Variants in FOCAD observed in about 807,000 individuals in gnomAD.
FOCAD encodes focadhesin, also known as KIAA1797.
FOCAD carries 198 observed loss-of-function variants against 225.6 expected under a neutral mutation model. The ratio of observed to expected loss-of-function variants is 0.88; its 90% confidence interval spans 0.78 to 0.99. FOCAD has a LOEUF of 0.99. FOCAD is among the 50% of genes least tolerant of loss of function. The pLI, the probability that FOCAD is intolerant of heterozygous loss-of-function variation, is 0.00. For synonymous variants in FOCAD, 897 were observed against 755.0 expected (o/e 1.19, Z -3.08); for missense variants, 2,713 against 2,123.6 (o/e 1.28, Z -5.46).
At chr9:20,889,138 C>A (rs1184298263) in intron 21 of FOCAD, among the ~76,000 whole-genome samples, 1 of 152,152 alleles carries the variant, frequency 6.6e-6, no homozygotes, top group African/African-American at 2.4e-5. Flanking sequence ...CTTCATTTTC[C>A]CTTGTCCTTA....
chr9:20,715,501 T>G, intron 2 of FOCAD, 91 bp downstream of exon 2: 1 of 520,828 alleles, frequency 1.9e-6, no homozygotes, highest in Admixed American at 4.4e-5. Context: ...TATTAAATAT[T>G]TTATTCTACA....
intron 2 of FOCAD, among the ~76,000 whole-genome samples, chr9:20,671,258 C>A (rs187558273): frequency 2.1e-3 from 313 of 151,948 alleles, no homozygotes; most frequent in African/African-American, 6.8e-3. Context: ...ATATTGAACT[C>A]TCGGTGGCAA....
At chr9:20,768,959 C>G (rs1277502152) in intron 7 of FOCAD, among the ~76,000 whole-genome samples, 1 of 152,018 alleles carries the variant, frequency 6.6e-6, no homozygotes, top group African/African-American at 2.4e-5. Flanking sequence ...CTGAGATTGT[C>G]TTTTGAACCT....
At chr9:20,803,788 C>G (rs899242836) in intron 11 of FOCAD, among the ~76,000 whole-genome samples, 2 of 152,072 alleles carry the variant, frequency 1.3e-5, no homozygotes, top group African/African-American at 4.8e-5. Flanking sequence ...GGTGAAGACA[C>G]CCTAACTCAG....
At chr9:20,972,217 G>C (rs1211977269) in intron 35 of FOCAD, among the ~76,000 whole-genome samples, 2 of 152,030 alleles carry the variant, frequency 1.3e-5, no homozygotes, top group African/African-American at 4.8e-5. Context: ...TTATATAGTG[G>C]TCACATCATT....
chr9:20,825,146 C>CGT (rs10562859), intron 15 of FOCAD, among the ~76,000 whole-genome samples: 34,023 of 138,828 alleles, frequency 0.25, 4,411 homozygotes, highest in Non-Finnish European at 0.3. Flanking sequence ...TCAAGCTTTG[C>CGT]GTGTGTGTGT....
intron 15 of FOCAD, among the ~76,000 whole-genome samples, chr9:20,832,711 A>G (rs1165182832): frequency 6.6e-6 from 1 of 151,696 alleles, no homozygotes; most frequent in African/African-American, 2.4e-5. Flanking sequence ...TACCCTTCCC[A>G]TCTTTCTGTG....
rs534830004 is a variant in FOCAD, at chr9:20,927,191, G to T, written c.3078+774G>T. Among the ~76,000 whole-genome samples the T allele has an allele frequency of 2.0e-5, 3 of 152,116 alleles. No homozygotes were observed. In the South Asian group the frequency reaches 6.2e-4, roughly 32 times the overall value. On this transcript the variant is annotated intron_variant, in intron 26 of 43. Coordinates refer to ENST00000338382, the MANE Select transcript of FOCAD (RefSeq NM_001375567.1). ...TAGAATAAACATTGGCTGAAATGTGGGGACTCCAAGTTTCTAGTCATAGAT... is the reference window on the plus strand; with the variant it reads ...TAGAATAAACATTGGCTGAAATGTGTGGACTCCAAGTTTCTAGTCATAGAT...
chr9:20,814,548 G>A (rs1564023491), intron 11 of FOCAD, among the ~76,000 whole-genome samples: 1 of 151,748 alleles, frequency 6.6e-6, no homozygotes, highest in Non-Finnish European at 1.5e-5. Context: ...GTAGAGATGG[G>A]ATTTCACTAT....
intron 8 of FOCAD, 72 bp downstream of exon 8, chr9:20,770,310 A>G (rs756645848): frequency 7.3e-7 from 1 of 1,372,990 alleles, no homozygotes; most frequent in African/African-American, 1.4e-5. Flanking sequence ...TAATTTATAA[A>G]GAAATGAGGT....
At chr9:20,658,525 G>C (rs1410249465) in intron 1 of FOCAD, 1 of 155,358 alleles carries the variant, frequency 6.4e-6, no homozygotes, top group East Asian at 1.9e-4. Flanking sequence ...TATTCGGGTG[G>C]GAGTGACCCG....
chr9:20,944,348 A>C lies in FOCAD; in HGVS notation c.3408-279A>C, dbSNP rs79435532. ...TATGCCTTTTCCTCTTCTCACCCAT[A>C]AAGTTTAAGTCAAACTATTTCCTGC... On this transcript the variant is annotated intron_variant, in intron 28 of 43. Transcript: ENST00000338382. Among the ~76,000 whole-genome samples the C allele has an allele frequency of 3.9e-3, 590 of 152,334 alleles. 2 individuals carry two copies. The highest frequency in any genetic ancestry group is 6.4e-3 in the Non-Finnish European group (434 of 68,034).
chr9:20,677,830 G>T (rs1296566765), intron 2 of FOCAD, among the ~76,000 whole-genome samples: 1 of 152,128 alleles, frequency 6.6e-6, no homozygotes, highest in Non-Finnish European at 1.5e-5. Context: ...TCCCACTTTT[G>T]AGTATACCTC....
At chr9:20,694,051 C>T (rs532905579) in intron 1 of FOCAD, among the ~76,000 whole-genome samples, 1 of 152,298 alleles carries the variant, frequency 6.6e-6, no homozygotes, top group East Asian at 1.9e-4. Flanking sequence ...ACCAAGTATT[C>T]TTCCACATCC....
rs371438512 is a variant in FOCAD at position 20,846,187 on chromosome 9, C to A, written c.1921-16391C>A. On this transcript the variant is annotated intron_variant, in intron 15 of 43. Coordinates refer to ENST00000338382, the MANE Select transcript of FOCAD (RefSeq NM_001375567.1). Reference sequence around the variant, plus strand: ...TGCCCTGTCCATTCATCTGTGGCTACACTTAGGTTTCTGAGGGCTGAAACT... The same window carrying A: ...TGCCCTGTCCATTCATCTGTGGCTAAACTTAGGTTTCTGAGGGCTGAAACT... 5.3e-5 allele frequency among the ~76,000 whole-genome samples: 8 copies of A among 152,176 alleles called. No individual in the cohort carries two copies. The East Asian group carries it at 1.2e-3, about 22-fold the overall frequency.
At chr9:20,832,819 T>G (rs1247254155) in intron 15 of FOCAD, among the ~76,000 whole-genome samples, 3 of 152,094 alleles carry the variant, frequency 2.0e-5, no homozygotes, top group Non-Finnish European at 4.4e-5. Context: ...ATTCCATTGT[T>G]AATATGTATT....
At chr9:20,992,845 C>A (rs1841783208) in intron 42 of FOCAD, among the ~76,000 whole-genome samples, 1 of 152,118 alleles carries the variant, frequency 6.6e-6, no homozygotes, top group African/African-American at 2.4e-5. Context: ...CGCCTATAGT[C>A]CCCGCTGCTC....
At chr9:20,666,400 T>A (rs1023006994) in intron 2 of FOCAD, among the ~76,000 whole-genome samples, 4 of 151,952 alleles carry the variant, frequency 2.6e-5, no homozygotes, top group Non-Finnish European at 5.9e-5. Context: ...CAAAATCCCA[T>A]CTCTACTAAA....
intron 28 of FOCAD, among the ~76,000 whole-genome samples, chr9:20,935,679 G>A (rs1186363195): frequency 2.6e-5 from 4 of 152,192 alleles, no homozygotes; most frequent in African/African-American, 9.7e-5. Flanking sequence ...GATTACAGGC[G>A]TGAGCCACCC....
Sources: allele counts gnomAD v4.1 joint callset (sites outside exome capture counted in the v4.1 genomes callset), GRCh38; gene constraint gnomAD v4.1.1; transcripts MANE v1.5; gene names NCBI Gene and HGNC (gene_info 2026-07-23, HGNC 2026-07-21).